ITPRID1: variants seen among roughly 807,000 people sequenced by gnomAD.
ITPRID1 encodes the protein protein ITPRID1.
Under a neutral mutation model 95.4 loss-of-function variants are expected in ITPRID1, and 96 were observed. The ratio of observed to expected loss-of-function variants is 1.01; its 90% CI spans 0.85 to 1.19. The LOEUF (loss-of-function observed/expected upper bound fraction) is 1.19. Among genes scored for constraint, ITPRID1 ranks in the 50% most tolerant of loss-of-function variants. ITPRID1 has a pLI of 0.00. For missense variants in ITPRID1, 1,339 were observed against 1,252.9 expected (o/e 1.07, Z -1.04); for synonymous variants, 510 against 453.6 (o/e 1.12, Z -1.58).
intron 1 of ITPRID1, among the ~76,000 whole-genome samples, chr7:31,535,811 T>A (rs2128131484): frequency 6.6e-6 from 1 of 152,244 alleles, no homozygotes; most frequent in East Asian, 1.9e-4. Context: ...GTCTTTCAAT[T>A]ATCTCTGGCC....
chr7:31,522,869 A>T (rs1277132442), intron 1 of ITPRID1, among the ~76,000 whole-genome samples: 1 of 152,220 alleles, frequency 6.6e-6, no homozygotes, highest in Non-Finnish European at 1.5e-5. Flanking sequence ...TTGACTGCAT[A>T]TGAGCCACAT....
chr7:31,623,831 G>C (rs1428587367), intron 10 of ITPRID1, among the ~76,000 whole-genome samples: 24 of 152,142 alleles, frequency 1.6e-4, no homozygotes, highest in Non-Finnish European at 3.2e-4. Flanking sequence ...AAGTCAAATT[G>C]TCCCTGTTTG....
chr7:31,645,564 G>A (rs145473751), intron 12 of ITPRID1, among the ~76,000 whole-genome samples: 121 of 152,140 alleles, frequency 8.0e-4, no homozygotes, highest in Non-Finnish European at 1.5e-3. Flanking sequence ...CAAATCCTGG[G>A]TAACAGTAGG....
At chr7:31,635,117 A>C (rs1037590324) in intron 10 of ITPRID1, among the ~76,000 whole-genome samples, 2 of 152,286 alleles carry the variant, frequency 1.3e-5, no homozygotes, top group Non-Finnish European at 1.5e-5. Context: ...TAAATGATGT[A>C]CATTTGTATT....
At chr7:31,541,552 T>C (rs1394910912) in intron 1 of ITPRID1, among the ~76,000 whole-genome samples, 1 of 152,172 alleles carries the variant, frequency 6.6e-6, no homozygotes, top group Non-Finnish European at 1.5e-5. Context: ...TTATAATTAT[T>C]ACTGATAACA....
At chr7:31,582,997 G>A in intron 9 of ITPRID1, 137 bp from the exon 10 acceptor site, 1 of 559,756 alleles carries the variant, frequency 1.8e-6, no homozygotes. Context: ...CCTCCTCCCA[G>A]CAGATTGCAA....
At chr7:31,586,767 A>G (rs1785631597) in intron 10 of ITPRID1, among the ~76,000 whole-genome samples, 1 of 151,782 alleles carries the variant, frequency 6.6e-6, no homozygotes, top group Admixed American at 6.6e-5. Flanking sequence ...TAGGTTGCGA[A>G]AATTTTCTCC....
intron 1 of ITPRID1, among the ~76,000 whole-genome samples, chr7:31,536,672 G>C (rs1298048659): frequency 6.6e-6 from 1 of 152,172 alleles, no homozygotes; most frequent in Non-Finnish European, 1.5e-5. Context: ...AATCTAGTCT[G>C]TAGTCTTGCT....
chr7:31,604,414 G>A (rs1786528120), intron 10 of ITPRID1, among the ~76,000 whole-genome samples: 1 of 152,084 alleles, frequency 6.6e-6, no homozygotes, highest in African/African-American at 2.4e-5. Context: ...TATTTCTCTA[G>A]CAAAAAATTT....
rs572451003 is a variant in ITPRID1, at chr7:31,533,054, T to A, written c.-97-16372T>A. 1.1e-3 allele frequency among the ~76,000 whole-genome samples: 170 copies of A among 152,320 alleles called. 1 individual carries two copies. The highest frequency in any genetic ancestry group is 6.8e-3 in the Middle Eastern group (2 of 294). On this transcript the variant is annotated intron_variant, in intron 1 of 14. Transcript: ENST00000615280. ...TGAAAATATTTTTTTTCTTTTTTTATGTTCAGAAAAAAATTGTGTCACATT... is the reference window on the plus strand; with the variant it reads ...TGAAAATATTTTTTTTCTTTTTTTAAGTTCAGAAAAAAATTGTGTCACATT...
At position 31,652,057 on chromosome 7, in the gene ITPRID1, G is replaced by T; in HGVS notation, c.2823+7G>T. On this transcript the variant is annotated splice_region_variant and intron_variant, in intron 14 of 14. Transcript: ENST00000615280. ...CAGAGAAGGGATTTTACTGGTATGG[G>T]TGATGGGGTGTGGAGTTTGACTATA... The T allele has an allele frequency of 6.4e-7, 1 of 1,569,800 alleles. No individual in the cohort carries two copies. The highest frequency in any genetic ancestry group is 8.7e-7 in the Non-Finnish European group (1 of 1,151,452).
chr7:31,580,472 C>G (rs1169618378), intron 9 of ITPRID1, among the ~76,000 whole-genome samples: 2 of 151,912 alleles, frequency 1.3e-5, no homozygotes, highest in South Asian at 4.2e-4. Flanking sequence ...AGTAAGCCAT[C>G]GAAATGTCAG....
At position 31,574,701 on chromosome 7, in the gene ITPRID1, C is replaced by T. The variant is rs760608498; in HGVS notation, c.557C>T (p.Ala186Val). ...ATCAACATCCGTGTTTTTCTTGAAG[C>T]TCAAAAGCAGCGAATGGACATTGAG... Reference protein sequence around the residue: ...RGINIRVFLEAQKQRMDIENP... With the variant: ...RGINIRVFLEVQKQRMDIENP... Residue 186 changes from alanine (A) to valine (V), a missense_variant, in exon 8 of 15, where the codon GCT becomes GTT. Ala to Val is a moderately conservative substitution (Grantham distance 64, BLOSUM62 0). Coordinates refer to ENST00000615280, the MANE Select transcript of ITPRID1 (RefSeq NM_001257967.3). 3 of 1,613,826 alleles carry T rather than the reference C, an allele frequency of 1.9e-6. No homozygotes were observed. Among genetic ancestry groups the T allele is most frequent in the Non-Finnish European group, 2.5e-6 (3 of 1,179,840 alleles).
intron 10 of ITPRID1, among the ~76,000 whole-genome samples, chr7:31,602,513 C>A (rs1786437144): frequency 6.6e-6 from 1 of 152,146 alleles, no homozygotes; most frequent in Admixed American, 6.5e-5. Flanking sequence ...ATTCACTGTC[C>A]TGTATTAGGA....
chr7:31,639,727 G>A (rs1018375066), intron 10 of ITPRID1, among the ~76,000 whole-genome samples: 8 of 151,758 alleles, frequency 5.3e-5, no homozygotes, highest in South Asian at 2.1e-4. Context: ...TAGTAGAGAC[G>A]GGGTTTCACT....
At chr7:31,603,677 T>C (rs1420840376) in intron 10 of ITPRID1, among the ~76,000 whole-genome samples, 7 of 152,202 alleles carry the variant, frequency 4.6e-5, no homozygotes, top group Admixed American at 3.9e-4. Flanking sequence ...CCCCGTAGAA[T>C]TGAATTCAAG....
At chr7:31,561,905 C>T (rs533057802) in intron 5 of ITPRID1, among the ~76,000 whole-genome samples, 56 of 152,228 alleles carry the variant, frequency 3.7e-4, no homozygotes, top group African/African-American at 1.2e-3. Flanking sequence ...CCTGTAACCA[C>T]AAACACAAGA....
At chr7:31,632,011 T>C (rs1259793524) in intron 10 of ITPRID1, among the ~76,000 whole-genome samples, 4 of 152,176 alleles carry the variant, frequency 2.6e-5, no homozygotes, top group Non-Finnish European at 5.9e-5. Flanking sequence ...CTGTTAGGAA[T>C]GAAGGCTTCC....
intron 10 of ITPRID1, among the ~76,000 whole-genome samples, chr7:31,616,709 G>C (rs1023722775): frequency 6.6e-6 from 1 of 152,104 alleles, no homozygotes; most frequent in African/African-American, 2.4e-5. Context: ...GATTTCCTCT[G>C]TGGCCAAAGT....
Sources: gnomAD v4.1 joint callset for allele counts (sites outside exome capture counted in the v4.1 genomes callset) on GRCh38, gnomAD v4.1.1 for gene constraint, MANE v1.5 for transcripts, NCBI Gene and HGNC (gene_info 2026-07-23, HGNC 2026-07-21) for gene names.